Variants in RASGRP3 observed in about 807,000 individuals in gnomAD.
RASGRP3 encodes RAS guanyl releasing protein 3, also known as ras guanyl-releasing protein 3.
Under a neutral mutation model 82.7 loss-of-function variants are expected in RASGRP3, and 54 were observed. The observed-to-expected ratio is 0.65, with a 90% CI of 0.52 to 0.82. The LOEUF is 0.82. RASGRP3 is among the 40% of genes least tolerant of loss of function. The pLI is 0.00. For synonymous variants in RASGRP3, 309 were observed against 300.5 expected, an observed-to-expected ratio of 1.03 and a Z score of -0.29; for missense variants, 861 against 828.9, an observed-to-expected ratio of 1.04 and a Z score of -0.48.
chr2:33,442,436 G>A (rs940854909), intron 1 of RASGRP3, among the ~76,000 whole-genome samples: 7 of 152,212 alleles, frequency 4.6e-5, no homozygotes, highest in African/African-American at 1.7e-4. Flanking sequence ...AAATAAGCAT[G>A]TACTACTTTT....
rs1672284005 is a variant in RASGRP3 at position 33,524,030 on chromosome 2, C to T, written c.668C>T (p.Thr223Ile). 1 of 1,613,886 alleles carries T rather than the reference C, an allele frequency of 6.2e-7. No homozygotes were observed. The highest frequency in any genetic ancestry group is 1.7e-5 in the Admixed American group (1 of 60,004). ...PTPQQRAEVI[T>I]KFINVAKKLL... ...CCCCAGCAAAGGGCAGAAGTCATCA[C>T]AAAGTTTATCAATGTTGCAAAGGTA... is the stretch of plus-strand genomic sequence containing the variant. The change falls in exon 8 of 18, where the codon ACA (threonine) becomes ATA (isoleucine). Residue 223 changes from threonine (T) to isoleucine (I), a missense_variant. By Grantham distance (89) the Thr-to-Ile change is moderately conservative. Transcript: ENST00000403687.
chr2:33,451,093 T>C (rs554071915), intron 2 of RASGRP3, among the ~76,000 whole-genome samples: 3 of 152,044 alleles, frequency 2.0e-5, no homozygotes, highest in Admixed American at 2.0e-4. Context: ...CTCCAACTCC[T>C]GACCTCGTGA....
intron 1 of RASGRP3, among the ~76,000 whole-genome samples, chr2:33,490,254 C>T (rs771165960): frequency 6.6e-6 from 1 of 152,170 alleles, no homozygotes; most frequent in Non-Finnish European, 1.5e-5. Context: ...ATATCCTTTG[C>T]TTGCCACAAC....
chr2:33,459,060 G>A (rs985220547), intron 2 of RASGRP3, among the ~76,000 whole-genome samples: 1 of 152,062 alleles, frequency 6.6e-6, no homozygotes, highest in East Asian at 1.9e-4. Flanking sequence ...TATGCCTGGT[G>A]GGATATAATG....
chr2:33,518,754 A>C (rs1369662755), intron 4 of RASGRP3, among the ~76,000 whole-genome samples: 1 of 152,156 alleles, frequency 6.6e-6, no homozygotes, highest in Non-Finnish European at 1.5e-5. Context: ...AAGCAAAGAC[A>C]GAAACACACG....
chr2:33,506,410 T>C (rs1444729135), intron 1 of RASGRP3, among the ~76,000 whole-genome samples: 1 of 152,240 alleles, frequency 6.6e-6, no homozygotes, highest in Non-Finnish European at 1.5e-5. Context: ...TAGGCCTCAA[T>C]TTCCTTATCC....
intron 1 of RASGRP3, among the ~76,000 whole-genome samples, chr2:33,483,314 C>T (rs985392788): frequency 7.2e-5 from 11 of 152,070 alleles, no homozygotes; most frequent in African/African-American, 2.7e-4. Context: ...AGGTTCTAAG[C>T]CCCTTGGAAA....
At chr2:33,480,607 A>C (rs956207608) in intron 1 of RASGRP3, among the ~76,000 whole-genome samples, 8 of 152,214 alleles carry the variant, frequency 5.3e-5, no homozygotes, top group African/African-American at 1.9e-4. Flanking sequence ...AAAATGCTTG[A>C]TTCGTTTTGG....
In RASGRP3 at chr2:33,555,564, A is replaced by C; in HGVS notation, c.1576A>C (p.Lys526Gln). Residue 526 changes from lysine (K) to glutamine (Q), a missense_variant, in exon 15 of 18, where the codon AAA becomes CAA. Physicochemically the swap from Lys to Gln is moderately conservative, Grantham distance 53 (BLOSUM62 1). Transcript: ENST00000403687. Reference sequence around the variant, plus strand: ...CATAATCAAGCAAGGATACAAATGCAAAGGTAAATCAATGTTATTTTGTTA... The same window carrying C: ...CATAATCAAGCAAGGATACAAATGCCAAGGTAAATCAATGTTATTTTGTTA... ...WGIIKQGYKC[K>Q]DCGANCHKQC... 4 of 1,591,768 alleles carry C rather than the reference A, an allele frequency of 2.5e-6. No individual in the cohort carries two copies. The highest frequency in any genetic ancestry group is 3.4e-6 in the Non-Finnish European group (4 of 1,163,202).
intron 15 of RASGRP3, among the ~76,000 whole-genome samples, chr2:33,557,396 GA>G (rs1676105008): frequency 6.6e-6 from 1 of 152,102 alleles, no homozygotes; most frequent in Non-Finnish European, 1.5e-5. Context: ...AAAGGTTTTG[GA>G]AAATGAAGAA....
intron 2 of RASGRP3, among the ~76,000 whole-genome samples, chr2:33,461,363 C>T (rs1479076586): frequency 1.1e-4 from 17 of 152,210 alleles, no homozygotes; most frequent in Admixed American, 1.1e-3. Context: ...ACTGCAGCCT[C>T]CATCTCCCGG....
chr2:33,447,372 A>G (rs1665558534), intron 1 of RASGRP3, among the ~76,000 whole-genome samples: 1 of 152,048 alleles, frequency 6.6e-6, no homozygotes, highest in African/African-American at 2.4e-5. Flanking sequence ...GCCCTCTGAC[A>G]AAGACAAAAC....
At position 33,520,316 on chromosome 2, in the gene RASGRP3, G is replaced by A. The variant is rs1671901707; in HGVS notation, c.237-237G>A. Among the ~76,000 whole-genome samples the A allele has an allele frequency of 2.6e-5, 4 of 152,272 alleles. No homozygotes were observed. In the South Asian group the frequency reaches 6.2e-4, roughly 24 times the overall value. On this transcript the variant is annotated intron_variant, in intron 5 of 17. Coordinates refer to ENST00000403687, the MANE Select transcript of RASGRP3 (RefSeq NM_001139488.2). ...ATCTACTCACCATGAATTGAAGGAA[G>A]GGTTTCCTCTCAACTGAAAGAGAGG...
chr2:33,485,804 G>A (rs537910888), intron 1 of RASGRP3, among the ~76,000 whole-genome samples: 26 of 152,238 alleles, frequency 1.7e-4, no homozygotes, highest in Non-Finnish European at 2.4e-4. Context: ...TGGAATTTGC[G>A]GGAACTTTGG....
chr2:33,464,789 A>T (rs1431656966), intron 2 of RASGRP3, among the ~76,000 whole-genome samples: 1 of 152,110 alleles, frequency 6.6e-6, no homozygotes, highest in African/African-American at 2.4e-5. Flanking sequence ...GTGATCTTTG[A>T]TGTTACTATT....
chr2:33,539,147 A>G lies in RASGRP3; in HGVS notation c.1215A>G (p.Ala405=), dbSNP rs1673969390. ...PNKPVVPLEW[A]LGVMPKPDPT... Reference sequence around the variant, plus strand: ...AGCCTGTGGTACCCCTGGAGTGGGCATTAGGGGTGATGCCAAAGCCAGACC... The same window carrying G: ...AGCCTGTGGTACCCCTGGAGTGGGCGTTAGGGGTGATGCCAAAGCCAGACC... The change falls in exon 12 of 18, where the codon GCA becomes GCG. Residue 405 remains alanine, a synonymous_variant. Coordinates refer to ENST00000403687, the MANE Select transcript of RASGRP3 (RefSeq NM_001139488.2). The G allele has an allele frequency of 1.2e-6, 2 of 1,612,038 alleles. No homozygotes were observed. Among genetic ancestry groups the G allele is most frequent in the Non-Finnish European group, 1.7e-6 (2 of 1,179,264 alleles).
chr2:33,505,486 G>A (rs1670281447), intron 1 of RASGRP3, among the ~76,000 whole-genome samples: 1 of 151,968 alleles, frequency 6.6e-6, no homozygotes, highest in Non-Finnish European at 1.5e-5. Context: ...ATTTTTAGTA[G>A]AGACGGGGTT....
Position 33,506,826 on chromosome 2 carries a change from G to A in RASGRP3, c.-260-4884G>A, listed in dbSNP as rs559959226. 2.0e-5 allele frequency among the ~76,000 whole-genome samples: 3 copies of A among 152,230 alleles called. No individual in the cohort carries two copies. In the South Asian group the frequency reaches 6.2e-4, roughly 32 times the overall value. ...ATAAATATGGGGGATTTTAGTCTTCGTGTCATCAGTTGTGGTCCATTTACA... is the reference window on the plus strand; with the variant it reads ...ATAAATATGGGGGATTTTAGTCTTCATGTCATCAGTTGTGGTCCATTTACA... On this transcript the variant is annotated intron_variant, in intron 1 of 17. Coordinates refer to ENST00000403687, the MANE Select transcript of RASGRP3 (RefSeq NM_001139488.2).
intron 2 of RASGRP3, among the ~76,000 whole-genome samples, chr2:33,469,505 G>A (rs1370908860): frequency 6.7e-6 from 1 of 149,842 alleles, no homozygotes; most frequent in Non-Finnish European, 1.5e-5. Context: ...CTGTTACCCA[G>A]GCTGAGTGCA....
Sources: gnomAD v4.1 joint callset for allele counts (sites outside exome capture counted in the v4.1 genomes callset) on GRCh38, gnomAD v4.1.1 for gene constraint, MANE v1.5 for transcripts, NCBI Gene and HGNC (gene_info 2026-07-23, HGNC 2026-07-21) for gene names.